SH3TC2: variants seen among roughly 807,000 people sequenced by gnomAD.
SH3TC2 encodes SH3 domain and tetratricopeptide repeats 2.
A neutral mutation model predicts 124.5 loss-of-function variants in SH3TC2; 87 were observed. The observed-to-expected ratio is 0.70, with a 90% CI of 0.59 to 0.84. SH3TC2 has a LOEUF of 0.84. Ranked by LOEUF, SH3TC2 falls within the 40% of genes least tolerant of loss-of-function variation. The pLI is 0.00. For synonymous variants in SH3TC2, 634 were observed against 628.5 expected, an observed-to-expected ratio of 1.01 and a Z score of -0.13; for missense variants, 1,536 against 1,566.4, an observed-to-expected ratio of 0.98 and a Z score of 0.33.
At chr5:149,032,533 G>A (rs1433109552) in intron 8 of SH3TC2, among the ~76,000 whole-genome samples, 2 of 152,186 alleles carry the variant, frequency 1.3e-5, no homozygotes, top group Non-Finnish European at 2.9e-5. Flanking sequence ...TAACTTGGAA[G>A]CCCAGGAGTT....
At chr5:149,004,987 G>GTTT in intron 16 of SH3TC2, 85 bp from the exon 17 acceptor site, 54 of 1,359,156 alleles carry the variant, frequency 4.0e-5, no homozygotes, top group African/African-American at 6.0e-5. Context: ...GGCCACTCTA[G>GTTT]TTTTTTTTGT....
rs1240448574 is a variant in SH3TC2, at chr5:148,991,749, T to C, written c.*12962A>G. 2.0e-5 allele frequency among the ~76,000 whole-genome samples: 3 copies of C among 152,206 alleles called. No homozygotes were observed. Among genetic ancestry groups the C allele is most frequent in the Non-Finnish European group, 4.4e-5 (3 of 68,036 alleles). On this transcript the variant is annotated 3_prime_UTR_variant, in exon 17 of 17. Coordinates refer to ENST00000515425, the MANE Select transcript of SH3TC2 (RefSeq NM_024577.4). ...TTGCAAACTGCTTTTGTAGAAATTATACTCACTGGTGTCCAACCTGCCCTG... is the reference window on the plus strand; with the variant it reads ...TTGCAAACTGCTTTTGTAGAAATTACACTCACTGGTGTCCAACCTGCCCTG...
chr5:149,044,727 T>C, intron 3 of SH3TC2, 89 bp from the exon 4 acceptor site: 1 of 942,298 alleles, frequency 1.1e-6, no homozygotes, highest in African/African-American at 1.6e-5. Flanking sequence ...TGTATGAACT[T>C]CTTGATTATG....
chr5:148,993,837 T>C lies in SH3TC2; in HGVS notation c.*10874A>G, dbSNP rs1753459936. Among the ~76,000 whole-genome samples, 2 of 152,364 alleles carry C rather than the reference T, an allele frequency of 1.3e-5. No homozygotes were observed. Among genetic ancestry groups the C allele is most frequent in the Middle Eastern group, 3.4e-3 (1 of 294 alleles). ...CACAGGTTCAACAAAGAAGTGTTCATTAACTTCTTCGCCCAAACAAGTACT... is the reference window on the plus strand; with the variant it reads ...CACAGGTTCAACAAAGAAGTGTTCACTAACTTCTTCGCCCAAACAAGTACT... On this transcript the variant is annotated 3_prime_UTR_variant, in exon 17 of 17. Transcript: ENST00000515425.
rs932097449 is a variant in SH3TC2 at position 148,995,988 on chromosome 5, C to A, written c.*8723G>T. On this transcript the variant is annotated 3_prime_UTR_variant, in exon 17 of 17. Coordinates refer to ENST00000515425, the MANE Select transcript of SH3TC2 (RefSeq NM_024577.4). The stretch of plus-strand genomic sequence containing the variant: ...CGGGTGCCATGGCTCACACCTGTTA[C>A]CCCAGCACTTTGGAAGGCTGAGGTG... Among the ~76,000 whole-genome samples, 3 of 151,982 alleles carry A rather than the reference C, an allele frequency of 2.0e-5. No individual in the cohort carries two copies. Among genetic ancestry groups the A allele is most frequent in the African/African-American group, 4.8e-5 (2 of 41,372 alleles).
chr5:149,062,063 T>C (rs1754760831), intron 1 of SH3TC2, among the ~76,000 whole-genome samples: 1 of 151,764 alleles, frequency 6.6e-6, no homozygotes, highest in Non-Finnish European at 1.5e-5. Context: ...TGTCAGAGAG[T>C]AGAAAGCCCT....
At position 149,007,087 on chromosome 5, in the gene SH3TC2, G is replaced by C; in HGVS notation, c.3479-10C>G. ...TCTTGCCTCTGATCTCCTAAGAATTGGAAGACTGAGAGAGATATCCTGCAA... is the reference window on the plus strand; with the variant it reads ...TCTTGCCTCTGATCTCCTAAGAATTCGAAGACTGAGAGAGATATCCTGCAA... On this transcript the variant is annotated splice_polypyrimidine_tract_variant and intron_variant, in intron 15 of 16. Coordinates refer to ENST00000515425, the MANE Select transcript of SH3TC2 (RefSeq NM_024577.4). 6.2e-7 allele frequency: 1 copy of C among 1,613,610 alleles called. No homozygotes were observed. Among genetic ancestry groups the C allele is most frequent in the Non-Finnish European group, 8.5e-7 (1 of 1,179,598 alleles).
intron 12 of SH3TC2, among the ~76,000 whole-genome samples, chr5:149,019,928 T>A (rs1033970608): frequency 6.6e-6 from 1 of 152,190 alleles, no homozygotes; most frequent in Non-Finnish European, 1.5e-5. Flanking sequence ...TACTGTTTGA[T>A]CTGTTTGGAA....
At chr5:149,008,810 AC>A (rs779781362) in intron 15 of SH3TC2, 40 bp downstream of exon 15, 1 of 1,612,726 alleles carries the variant, frequency 6.2e-7, no homozygotes, top group East Asian at 2.2e-5. Flanking sequence ...TTGACTAATC[AC>A]CCCTCTCATT....
rs367784213 is a variant in SH3TC2 at position 149,027,915 on chromosome 5, T to C, written c.1817A>G (p.Glu606Gly). ...GALLACLPDR[E>G]SSAKHELDVV... ...GTCGAGTTCATGCTTGGCACTAGACTCACGGTCAGGCAGGCAGGCCAGCAG... is the reference window on the plus strand; with the variant it reads ...GTCGAGTTCATGCTTGGCACTAGACCCACGGTCAGGCAGGCAGGCCAGCAG... Residue 606 changes from glutamate to glycine, a missense_variant, in exon 11 of 17, where the codon GAG becomes GGG. Physicochemically the swap from Glu to Gly is moderately conservative, Grantham distance 98 (BLOSUM62 -2). Coordinates refer to ENST00000515425, the MANE Select transcript of SH3TC2 (RefSeq NM_024577.4). The C allele has an allele frequency of 1.9e-6, 3 of 1,613,930 alleles. No individual in the cohort carries two copies. The African/African-American group carries it at 4.0e-5, about 22-fold the overall frequency.
intron 12 of SH3TC2, among the ~76,000 whole-genome samples, chr5:149,025,209 G>C (rs1030165510): frequency 6.6e-6 from 1 of 152,098 alleles, no homozygotes; most frequent in African/African-American, 2.4e-5. Flanking sequence ...CATGCTGCAT[G>C]GATCCAAAGC....
intron 7 of SH3TC2, 71 bp from the exon 8 acceptor site, chr5:149,038,561 A>G (rs1453216469): frequency 1.3e-6 from 2 of 1,500,312 alleles, no homozygotes; most frequent in Non-Finnish European, 1.9e-6. Flanking sequence ...CTTCCAATGC[A>G]ATAGAAAATG....
At chr5:149,038,580 C>T in intron 7 of SH3TC2, 90 bp from the exon 8 acceptor site, 1 of 1,377,578 alleles carries the variant, frequency 7.3e-7, no homozygotes, top group Non-Finnish European at 1.0e-6. Flanking sequence ...TGAGGGGTTC[C>T]CAGACTTTAG....
intron 8 of SH3TC2, among the ~76,000 whole-genome samples, chr5:149,034,886 C>T (rs551148426): frequency 6.6e-6 from 1 of 152,216 alleles, no homozygotes; most frequent in South Asian, 2.1e-4. Flanking sequence ...TTATTTTTTC[C>T]TGCAAACTTT....
rs757797985 is a variant in SH3TC2, at chr5:149,027,058, G to A, written c.2674C>T (p.Gln892Ter). ...AGGAGATAGTTTCTGGCTGGATGCT[G>A]AGCCCAGGACTTAAGGCTCAGGTGG... ...LGHLSLKSWA[Q>*]HPARNYLLQA... The change falls in exon 11 of 17, where the codon CAG (glutamine) becomes TAG (stop). Residue 892 changes from glutamine (Q) to a stop codon, truncating the protein, a stop_gained. Transcript: ENST00000515425. LOFTEE classifies it high-confidence loss of function. The A allele has an allele frequency of 3.7e-6, 6 of 1,614,174 alleles. No individual in the cohort carries two copies. Among genetic ancestry groups the A allele is most frequent in the Non-Finnish European group, 5.1e-6 (6 of 1,180,016 alleles).
Position 149,050,817 on chromosome 5 carries a change from T to C in SH3TC2, c.151+1325A>G, listed in dbSNP as rs560612770. ...GTAGTCTAGATCCTTTAAATATTTA[T>C]AATCTTTTTCACAAGTCTATATTTT... On this transcript the variant is annotated intron_variant, in intron 2 of 16. Coordinates refer to ENST00000515425, the MANE Select transcript of SH3TC2 (RefSeq NM_024577.4). Among the ~76,000 whole-genome samples, 3 of 152,334 alleles carry C rather than the reference T, an allele frequency of 2.0e-5. No homozygotes were observed. The South Asian group carries it at 6.2e-4, about 32-fold the overall frequency.
rs1385475514 is a variant in SH3TC2 at position 149,038,488 on chromosome 5, T to C, written c.808A>G (p.Arg270Gly). The part of the protein sequence containing the change: ...RDWTGSYQIG[R>G]GRCKALTGYE... ...CCCGTCAAGGCCTTACAGCGTCCTC[T>C]GCCTGTGGAAAATAGCACACAGATC... Residue 270 changes from arginine to glycine, a missense_variant and splice_region_variant, in exon 8 of 17, where the codon AGA (arginine) becomes GGA (glycine). Transcript: ENST00000515425. The C allele has an allele frequency of 1.2e-6, 2 of 1,613,974 alleles. No individual in the cohort carries two copies. The highest frequency in any genetic ancestry group is 1.1e-5 in the South Asian group (1 of 91,076).
Position 148,995,384 on chromosome 5 carries a change from AAATTACTTAGCAC to A in SH3TC2, c.*9314_*9326del, listed in dbSNP as rs923224578. ...GAGGATCAAATCCTATACTGTGGGT[AAATTACTTAGCAC>A]AACCATCATTACAGCTTCAGTAAAA... On this transcript the variant is annotated 3_prime_UTR_variant, in exon 17 of 17. Coordinates refer to ENST00000515425, the MANE Select transcript of SH3TC2 (RefSeq NM_024577.4). 1.3e-5 allele frequency among the ~76,000 whole-genome samples: 2 copies of A among 152,208 alleles called. No homozygotes were observed. The highest frequency in any genetic ancestry group is 4.8e-5 in the African/African-American group (2 of 41,448).
intron 12 of SH3TC2, among the ~76,000 whole-genome samples, chr5:149,025,230 G>A: frequency 6.6e-6 from 1 of 152,074 alleles, no homozygotes; most frequent in South Asian, 2.1e-4. Context: ...TCCCTCCCTG[G>A]GACTGAAGGC....
Sources: gnomAD v4.1 joint callset for allele counts (sites outside exome capture counted in the v4.1 genomes callset) on GRCh38, gnomAD v4.1.1 for gene constraint, MANE v1.5 for transcripts, NCBI Gene and HGNC (gene_info 2026-07-23, HGNC 2026-07-21) for gene names.